VIL1: variants seen among roughly 807,000 people sequenced by gnomAD.
VIL1 encodes villin-1.
Under a neutral mutation model 104.0 loss-of-function variants are expected in VIL1, and 86 were observed. That is an observed-to-expected ratio of 0.83 (90% CI 0.69 to 0.99). The LOEUF is 0.99. Ranked by LOEUF, VIL1 falls within the 50% of genes least tolerant of loss-of-function variation. VIL1 has a pLI of 0.00. For synonymous variants in VIL1, 394 were observed against 412.6 expected, an observed-to-expected ratio of 0.95 and a Z score of 0.55; for missense variants, 944 against 1,054.1, an observed-to-expected ratio of 0.90 and a Z score of 1.45.
At chr2:218,424,444 C>T (rs1688946066) in intron 3 of VIL1, 93 bp downstream of exon 3, 3 of 1,335,638 alleles carry the variant, frequency 2.2e-6, no homozygotes, top group South Asian at 1.2e-5. Flanking sequence ...GGAGAGTTGG[C>T]CTGGCTTCAC....
At chr2:218,435,175 C>G (rs2106394318) in intron 14 of VIL1, 114 bp from the exon 15 acceptor site, 2 of 1,431,300 alleles carry the variant, frequency 1.4e-6, no homozygotes. Context: ...CCTGTATACA[C>G]AAGGTCCTGA....
At chr2:218,420,301 C>G (rs560169856) in intron 1 of VIL1, among the ~76,000 whole-genome samples, 2 of 151,844 alleles carry the variant, frequency 1.3e-5, no homozygotes, top group East Asian at 4.0e-4. Flanking sequence ...TGCTCGCGCA[C>G]GCCTATAGTC....
intron 4 of VIL1, among the ~76,000 whole-genome samples, chr2:218,427,143 G>T (rs1395199931): frequency 2.0e-5 from 3 of 152,142 alleles, no homozygotes; most frequent in African/African-American, 7.2e-5. Context: ...TGACCTGTAG[G>T]ACAGGCTGAG....
intron 19 of VIL1, among the ~76,000 whole-genome samples, chr2:218,444,226 T>C (rs1427564282): frequency 2.0e-5 from 3 of 152,214 alleles, no homozygotes; most frequent in African/African-American, 7.2e-5. Flanking sequence ...CGCCTCAGCC[T>C]CCCAAAGTGC....
chr2:218,420,730 C>T (rs555830971), intron 1 of VIL1, among the ~76,000 whole-genome samples: 18 of 152,126 alleles, frequency 1.2e-4, no homozygotes, highest in Admixed American at 7.9e-4. Context: ...GGACTACAGG[C>T]GCCCACCATC....
chr2:218,427,275 C>T (rs1301534062), intron 4 of VIL1, among the ~76,000 whole-genome samples: 1 of 152,074 alleles, frequency 6.6e-6, no homozygotes, highest in Admixed American at 6.6e-5. Flanking sequence ...TCTTTTCTTC[C>T]ACTTTGATCC....
intron 19 of VIL1, among the ~76,000 whole-genome samples, chr2:218,444,434 C>T (rs1279135770): frequency 6.6e-6 from 1 of 152,148 alleles, no homozygotes; most frequent in Non-Finnish European, 1.5e-5. Flanking sequence ...CGCCCGCCAT[C>T]ACGCCCGGCT....
chr2:218,425,728 C>T lies in VIL1; in HGVS notation c.264C>T (p.Phe88=), dbSNP rs1321318351. 1.9e-6 allele frequency: 3 copies of T among 1,614,160 alleles called. No individual in the cohort carries two copies. The South Asian group carries it at 3.3e-5, about 18-fold the overall frequency. The part of the protein sequence containing the change: ...AAIYTTQMDD[F]LKGRAVQHRE... ...TCTACACCACACAGATGGATGACTT[C>T]CTGAAGGGCCGGGCTGTGCAGCACC... The change falls in exon 4 of 20, where the codon TTC becomes TTT. Residue 88 remains phenylalanine (F), a synonymous_variant. Coordinates refer to ENST00000248444, the MANE Select transcript of VIL1 (RefSeq NM_007127.3).
intron 15 of VIL1, among the ~76,000 whole-genome samples, chr2:218,435,801 T>C (rs937333180): frequency 1.3e-5 from 2 of 152,190 alleles, no homozygotes; most frequent in Non-Finnish European, 2.9e-5. Context: ...CCTGGGATGC[T>C]GAGGAGCCCC....
chr2:218,440,379 C>T (rs1396448927), intron 18 of VIL1, among the ~76,000 whole-genome samples: 1 of 152,164 alleles, frequency 6.6e-6, no homozygotes, highest in Non-Finnish European at 1.5e-5. Flanking sequence ...AAACGATTCT[C>T]CTACCTCAGC....
chr2:218,423,288 G>T (rs1265638590), intron 1 of VIL1, among the ~76,000 whole-genome samples: 1 of 152,164 alleles, frequency 6.6e-6, no homozygotes, highest in Non-Finnish European at 1.5e-5. Context: ...CCAGCTATGC[G>T]GGAGGTTGAG....
At chr2:218,423,294 T>C (rs1688926052) in intron 1 of VIL1, among the ~76,000 whole-genome samples, 1 of 150,772 alleles carries the variant, frequency 6.6e-6, no homozygotes, top group Admixed American at 6.6e-5. Context: ...ATGCGGGAGG[T>C]TGAGGTAGGA....
intron 10 of VIL1, 76 bp downstream of exon 10, chr2:218,430,954 A>C: frequency 1.3e-6 from 2 of 1,541,702 alleles, no homozygotes; most frequent in Non-Finnish European, 1.8e-6. Context: ...TCCACCACCC[A>C]CCCTCCTTCC....
intron 18 of VIL1, among the ~76,000 whole-genome samples, chr2:218,439,442 G>A (rs1689247477): frequency 6.6e-6 from 1 of 152,132 alleles, no homozygotes; most frequent in South Asian, 2.1e-4. Flanking sequence ...GAGAAATAAT[G>A]CTGTCTCTAT....
At chr2:218,423,615 C>T (rs1165090716) in intron 1 of VIL1, 153 bp from the exon 2 acceptor site, 10 of 677,566 alleles carry the variant, frequency 1.5e-5, no homozygotes, top group East Asian at 5.5e-5. Context: ...ACTAAACAAG[C>T]GGAAATGGTC....
intron 14 of VIL1, 123 bp from the exon 15 acceptor site, chr2:218,435,166 C>A: frequency 1.5e-6 from 2 of 1,303,458 alleles, no homozygotes; most frequent in Non-Finnish European, 1.1e-6. Flanking sequence ...CCTGTGTGGC[C>A]TGTATACACA....
chr2:218,428,915 C>A (rs1559146500), intron 6 of VIL1, among the ~76,000 whole-genome samples: 1 of 152,186 alleles, frequency 6.6e-6, no homozygotes, highest in East Asian at 1.9e-4. Context: ...GGTGATCCAC[C>A]CGCCTCGGCC....
At chr2:218,434,892 A>G (rs1689161403) in intron 14 of VIL1, among the ~76,000 whole-genome samples, 187 bp downstream of exon 14, 1 of 152,138 alleles carries the variant, frequency 6.6e-6, no homozygotes. Flanking sequence ...TGCCTCATCA[A>G]TGACCATCCT....
intron 18 of VIL1, among the ~76,000 whole-genome samples, chr2:218,440,338 C>G (rs1431294642): frequency 6.6e-6 from 1 of 152,278 alleles, no homozygotes; most frequent in East Asian, 1.9e-4. Context: ...GGCGCAATCT[C>G]AGCTCACTGC....
Sources: gnomAD v4.1 joint callset for allele counts (sites outside exome capture counted in the v4.1 genomes callset) on GRCh38, gnomAD v4.1.1 for gene constraint, MANE v1.5 for transcripts, NCBI Gene and HGNC (gene_info 2026-07-23, HGNC 2026-07-21) for gene names.